The following MRPS12 variants were observed in gnomAD, a reference collection of about 807,000 sequenced individuals.
MRPS12 encodes the protein mitochondrial ribosomal protein S12.
A neutral mutation model predicts 8.4 loss-of-function variants in MRPS12; 7 were observed. That is an observed-to-expected ratio of 0.83 (90% confidence interval 0.47 to 1.56). MRPS12 has a LOEUF of 1.56. Ranked by LOEUF, MRPS12 falls within the 40% of genes most tolerant of loss-of-function variation. The probability of loss-of-function intolerance (pLI) is 0.01; values close to 1 mark genes in which losing one functional copy is unlikely to be tolerated. For synonymous variants in MRPS12, 84 were observed against 84.1 expected (o/e 1.00, Z 0.01); for missense variants, 200 against 194.1 (o/e 1.03, Z -0.18).
Position 38,932,952 on chromosome 19 carries a change from A to G in MRPS12, c.*252A>G. ...GGCCTGAAGGACCTTTTCTGCTGGGACAAGACACTGTACTGCCCTCTGCTG... is the reference window on the plus strand; with the variant it reads ...GGCCTGAAGGACCTTTTCTGCTGGGGCAAGACACTGTACTGCCCTCTGCTG... On this transcript the variant is annotated 3_prime_UTR_variant, in exon 3 of 3. Coordinates refer to ENST00000308018, the MANE Select transcript of MRPS12 (RefSeq NM_033362.4). 1.8e-6 allele frequency: 1 copy of G among 542,568 alleles called. No homozygotes were observed. Among genetic ancestry groups the G allele is most frequent in the South Asian group, 2.1e-5 (1 of 46,990 alleles). The allele number at this position is 542,568 out of a possible 1,614,324, so 33.6% of individuals were successfully genotyped here.
In MRPS12 at chr19:38,932,682, C is replaced by T. The variant is rs372124871; in HGVS notation, c.399C>T (p.Gly133=). ...LTVVRGKYDC[G]HVQKK is the part of the protein sequence containing the mutation. Reference sequence around the variant, plus strand: ...TTGTGCGTGGCAAGTACGACTGTGGCCACGTGCAGAAGAAGTGACGGCTGG... The same window carrying T: ...TTGTGCGTGGCAAGTACGACTGTGGTCACGTGCAGAAGAAGTGACGGCTGG... The change falls in exon 3 of 3, where the codon GGC becomes GGT. Residue 133 remains glycine, a synonymous_variant. Coordinates refer to ENST00000308018, the MANE Select transcript of MRPS12 (RefSeq NM_033362.4). 34 of 1,613,040 alleles carry T rather than the reference C, an allele frequency of 2.1e-5. No homozygotes were observed. The Middle Eastern group carries it at 4.9e-4, about 23-fold the overall frequency.
At chr19:38,932,135 CAAAAA>C (rs1291386606) in intron 2 of MRPS12, among the ~76,000 whole-genome samples, 193 bp from the exon 3 acceptor site, 2 of 59,216 alleles carry the variant, frequency 3.4e-5, no homozygotes, top group Non-Finnish European at 7.8e-5. Flanking sequence ...GACTTTGTCT[CAAAAA>C]AAAAAAAGAA....
At position 38,932,492 on chromosome 19, in the gene MRPS12, C is replaced by G. The variant is rs1204678641; in HGVS notation, c.209C>G (p.Pro70Arg). The change falls in exon 3 of 3, where the codon CCG (proline) becomes CGG (arginine). Residue 70 changes from proline (P) to arginine (R), a missense_variant. Physicochemically the swap from Pro to Arg is moderately radical, Grantham distance 103. Transcript: ENST00000308018. ...GVVLCTFTRK[P>R]KKPNSANRKC... ...GTCCTGTGCACGTTTACCCGCAAGC[C>G]GAAGAAGCCCAACTCAGCCAATCGC... 1 of 1,613,180 alleles carries G rather than the reference C, an allele frequency of 6.2e-7. No homozygotes were observed. Among genetic ancestry groups the G allele is most frequent in the Non-Finnish European group, 8.5e-7 (1 of 1,179,420 alleles).
rs750977311 is a variant in MRPS12, at chr19:38,932,726, G to T, written c.*26G>T. The T allele has an allele frequency of 6.2e-6, 10 of 1,605,678 alleles. No individual in the cohort carries two copies. The highest frequency in any genetic ancestry group is 2.7e-5 in the African/African-American group (2 of 75,022). On this transcript the variant is annotated 3_prime_UTR_variant, in exon 3 of 3. Coordinates refer to ENST00000308018, the MANE Select transcript of MRPS12 (RefSeq NM_033362.4). ...CGGCTGGGGGCACAGTGGGCTGGGC[G>T]CCCCTGCAGAACATGAACCTTCCGC...
In MRPS12 at chr19:38,932,750, G is replaced by A. The variant is rs374521950; in HGVS notation, c.*50G>A. ...CGCCCCTGCAGAACATGAACCTTCC[G>A]CTCCTGGCTGCCACAGGGTCCTCCG... On this transcript the variant is annotated 3_prime_UTR_variant, in exon 3 of 3. Coordinates refer to ENST00000308018, the MANE Select transcript of MRPS12 (RefSeq NM_033362.4). The A allele has an allele frequency of 1.0e-5, 16 of 1,580,422 alleles. No individual in the cohort carries two copies. The highest frequency in any genetic ancestry group is 2.1e-4 in the Middle Eastern group (1 of 4,812).
At position 38,931,126 on chromosome 19, in the gene MRPS12, G is replaced by A. The variant is rs571901745; in HGVS notation, c.-20+128G>A. The A allele has an allele frequency of 1.8e-5, 13 of 711,826 alleles. No homozygotes were observed. The South Asian group carries it at 2.2e-4, about 12-fold the overall frequency. 44.1% of individuals were successfully genotyped at this position (711,826 alleles called of 1,614,324 possible). ...TCAGAGCGAGGCTAAATTTACGGAG[G>A]GACTTTCTGTTAGCAGCATGAGGGC... is the stretch of plus-strand genomic sequence containing the variant. On this transcript the variant is annotated intron_variant, in intron 1 of 2. Transcript: ENST00000308018.
chr19:38,932,183 TAAAG>T lies in MRPS12; in HGVS notation c.50-148_50-145del, dbSNP rs772415467. On this transcript the variant is annotated intron_variant, in intron 2 of 2. Transcript: ENST00000308018. ...AAAAAGGTAATGCTTCCTTGAAGAA[TAAAG>T]AGTTACTTTTGTCTGTAGATAACAT... The T allele has an allele frequency of 1.6e-4, 92 of 572,394 alleles. No homozygotes were observed. In the South Asian group the frequency reaches 2.5e-3, roughly 15 times the overall value. 35.5% of individuals were successfully genotyped at this position (572,394 alleles called of 1,614,324 possible).
chr19:38,932,413 C>G lies in MRPS12; in HGVS notation c.130C>G (p.Arg44Gly), dbSNP rs147007310. The G allele has an allele frequency of 7.4e-4, 1,192 of 1,607,710 alleles. 6 individuals carry two copies. In the East Asian group the frequency reaches 0.013, roughly 17 times the overall value. The change falls in exon 3 of 3, where the codon CGG becomes GGG. Residue 44 changes from arginine (R) to glycine (G), a missense_variant. Arg to Gly is a moderately radical substitution (Grantham distance 125). Coordinates refer to ENST00000308018, the MANE Select transcript of MRPS12 (RefSeq NM_033362.4). ...GATGCACCGCCTGGGGCCCCCCAAGCGGCCGCCTCGGAAGCTGGGCCCCAC... is the reference window on the plus strand; with the variant it reads ...GATGCACCGCCTGGGGCCCCCCAAGGGGCCGCCTCGGAAGCTGGGCCCCAC... ...NQMHRLGPPK[R>G]PPRKLGPTEG...
At chr19:38,931,241 T>C in intron 1 of MRPS12, 35 bp from the exon 2 acceptor site, 1 of 1,527,160 alleles carries the variant, frequency 6.5e-7, no homozygotes, top group East Asian at 2.3e-5. Flanking sequence ...CGGTCACTTT[T>C]TCCTCCTTTC....
Position 38,931,288 on chromosome 19 carries a change from T to C in MRPS12, c.-7T>C, listed in dbSNP as rs2070250. 0.013 allele frequency: 20,634 copies of C among 1,603,700 alleles called. 1,501 individuals carry two copies. In the African/African-American group the frequency reaches 0.2, roughly 15 times the overall value. On this transcript the variant is annotated 5_prime_UTR_variant, in exon 2 of 3. Coordinates refer to ENST00000308018, the MANE Select transcript of MRPS12 (RefSeq NM_033362.4). ...TCCCCTACCACAGGGACGGCCCAGG[T>C]GGCAGGATGTCCTGGTCTGGCCTTC... is the stretch of plus-strand genomic sequence containing the variant.
rs750094950 is a variant in MRPS12, at chr19:38,931,351, G to A, written c.49+8G>A. Reference sequence around the variant, plus strand: ...ACACGTCCCTAACTTGTGGTAAGTGGGGGACTTGGGCTTCAGGGACGAGGC... The same window carrying A: ...ACACGTCCCTAACTTGTGGTAAGTGAGGGACTTGGGCTTCAGGGACGAGGC... On this transcript the variant is annotated splice_region_variant and intron_variant, in intron 2 of 2. Transcript: ENST00000308018. The A allele has an allele frequency of 2.5e-6, 4 of 1,587,252 alleles. No homozygotes were observed. In the East Asian group the frequency reaches 9.3e-5, roughly 37 times the overall value.
At chr19:38,931,709 C>G (rs182045841) in intron 2 of MRPS12, 2 of 182,434 alleles carry the variant, frequency 1.1e-5, no homozygotes, top group African/African-American at 4.7e-5. Context: ...AACCAGCTAA[C>G]TTTTTGATTC....
At chr19:38,931,995 G>C (rs2144791316) in intron 2 of MRPS12, 1 of 203,602 alleles carries the variant, frequency 4.9e-6, no homozygotes, top group Middle Eastern at 1.8e-3. Context: ...GATTAGCCGA[G>C]CGTGGTGGTG....
At chr19:38,931,192 C>A in intron 1 of MRPS12, 84 bp from the exon 2 acceptor site, 1 of 1,091,334 alleles carries the variant, frequency 9.2e-7, no homozygotes, top group African/African-American at 1.6e-5. Flanking sequence ...TGATTTAAGC[C>A]AGAAAGTCCT....
chr19:38,932,674 G>T lies in MRPS12; in HGVS notation c.391G>T (p.Asp131Tyr), dbSNP rs910604321. 1.2e-6 allele frequency: 2 copies of T among 1,613,386 alleles called. No individual in the cohort carries two copies. The highest frequency in any genetic ancestry group is 1.1e-5 in the South Asian group (1 of 91,060). The change falls in exon 3 of 3, where the codon GAC (aspartate) becomes TAC (tyrosine). Residue 131 changes from aspartate (D) to tyrosine (Y), a missense_variant. Asp to Tyr is a radical substitution (Grantham distance 160). Coordinates refer to ENST00000308018, the MANE Select transcript of MRPS12 (RefSeq NM_033362.4). ...GCTCACCGTTGTGCGTGGCAAGTAC[G>T]ACTGTGGCCACGTGCAGAAGAAGTG... is the stretch of plus-strand genomic sequence containing the variant. ...VKLTVVRGKY[D>Y]CGHVQKK
At position 38,932,941 on chromosome 19, in the gene MRPS12, TTTC is replaced by T; in HGVS notation, c.*243_*245del. The T allele has an allele frequency of 1.8e-6, 1 of 563,616 alleles. No individual in the cohort carries two copies. The highest frequency in any genetic ancestry group is 3.3e-5 in the Admixed American group (1 of 29,872). The allele number at this position is 563,616 out of a possible 1,614,324, so 34.9% of individuals were successfully genotyped here. A position where few individuals can be genotyped will look rare whatever the true frequency, so the allele number is the denominator to read the frequency against. On this transcript the variant is annotated 3_prime_UTR_variant, in exon 3 of 3. Coordinates refer to ENST00000308018, the MANE Select transcript of MRPS12 (RefSeq NM_033362.4). Reference sequence around the variant, plus strand: ...TTTAGAGGGGTGGCCTGAAGGACCTTTTCTGCTGGGACAAGACACTGTACTGCC... The same window carrying T: ...TTTAGAGGGGTGGCCTGAAGGACCTTTGCTGGGACAAGACACTGTACTGCC...
chr19:38,932,408 C>A lies in MRPS12; in HGVS notation c.125C>A (p.Pro42His). The A allele has an allele frequency of 6.2e-7, 1 of 1,607,296 alleles. No homozygotes were observed. Among genetic ancestry groups the A allele is most frequent in the Non-Finnish European group, 8.5e-7 (1 of 1,175,870 alleles). The change falls in exon 3 of 3, where the codon CCC becomes CAC. Residue 42 changes from proline to histidine, a missense_variant. Physicochemically the swap from Pro to His is moderately conservative, Grantham distance 77. Coordinates refer to ENST00000308018, the MANE Select transcript of MRPS12 (RefSeq NM_033362.4). ...TLNQMHRLGP[P>H]KRPPRKLGPT... ...AACCAGATGCACCGCCTGGGGCCCCCCAAGCGGCCGCCTCGGAAGCTGGGC... is the reference window on the plus strand; with the variant it reads ...AACCAGATGCACCGCCTGGGGCCCCACAAGCGGCCGCCTCGGAAGCTGGGC...
chr19:38,931,255 G>C (rs757509328), intron 1 of MRPS12, 21 bp from the exon 2 acceptor site: 9 of 1,553,528 alleles, frequency 5.8e-6, no homozygotes, highest in African/African-American at 1.4e-5. Context: ...TCCTTTCTGA[G>C]TCTCTTATCC....
At position 38,932,414 on chromosome 19, in the gene MRPS12, G is replaced by A. The variant is rs375471558; in HGVS notation, c.131G>A (p.Arg44Gln). 21 of 1,608,242 alleles carry A rather than the reference G, an allele frequency of 1.3e-5. No homozygotes were observed. The highest frequency in any genetic ancestry group is 3.3e-5 in the South Asian group (3 of 90,810). Residue 44 changes from arginine (R) to glutamine (Q), a missense_variant, in exon 3 of 3, where the codon CGG (arginine) becomes CAG (glutamine). Physicochemically the swap from Arg to Gln is conservative, Grantham distance 43 (BLOSUM62 1). Coordinates refer to ENST00000308018, the MANE Select transcript of MRPS12 (RefSeq NM_033362.4). ...ATGCACCGCCTGGGGCCCCCCAAGC[G>A]GCCGCCTCGGAAGCTGGGCCCCACG... Reference protein sequence around the residue: ...NQMHRLGPPKRPPRKLGPTEG... With the variant: ...NQMHRLGPPKQPPRKLGPTEG...
Sources: gnomAD v4.1 joint callset for allele counts (sites outside exome capture counted in the v4.1 genomes callset) on GRCh38, gnomAD v4.1.1 for gene constraint, MANE v1.5 for transcripts, NCBI Gene and HGNC (gene_info 2026-07-23, HGNC 2026-07-21) for gene names.